Variants in MILR1 observed in about 807,000 individuals in gnomAD.
The protein encoded by MILR1 is allergin-1.
A neutral mutation model predicts 18.5 loss-of-function variants in MILR1; 31 were observed. The ratio of observed to expected loss-of-function variants is 1.68; its 90% CI spans 1.26 to 2.26. The LOEUF is 2.26. Ranked by LOEUF, MILR1 falls within the 30% of genes most tolerant of loss-of-function variation. MILR1 has a pLI of 0.00. For synonymous variants in MILR1, 85 were observed against 56.2 expected (o/e 1.51, Z -2.30); for missense variants, 257 against 157.4 (o/e 1.63, Z -3.38).
At chr17:64,491,711 G>A in the MILR1 span, 7 of 961,564 alleles carry the variant, frequency 7.3e-6, no homozygotes, top group Admixed American at 1.8e-5. Flanking sequence ...TTACCATGGT[G>A]CTGGCAGGGT....
At chr17:64,470,609 G>A (rs1555664409), downstream of MILR1, among the ~76,000 whole-genome samples, 2 of 152,118 alleles carry the variant, frequency 1.3e-5, no homozygotes, top group African/African-American at 4.8e-5. Context: ...CACATCCCAA[G>A]GCCTACCCCG....
downstream of MILR1, among the ~76,000 whole-genome samples, chr17:64,470,440 G>C (rs1437482736): frequency 1.3e-5 from 2 of 152,028 alleles, no homozygotes; most frequent in African/African-American, 4.8e-5. Context: ...ACCTAAAATT[G>C]GTTAAAATGG....
the MILR1 span, among the ~76,000 whole-genome samples, chr17:64,486,497 G>A: frequency 5.9e-5 from 9 of 152,096 alleles, no homozygotes; most frequent in South Asian, 8.3e-4. Context: ...GAGTAGCTAG[G>A]ACTACAGGCA....
At position 64,449,551 on chromosome 17, in the gene MILR1, G is replaced by T. The variant is rs2037118626; in HGVS notation, c.97+196G>T. Among the ~76,000 whole-genome samples, 10 of 152,254 alleles carry T rather than the reference G, an allele frequency of 6.6e-5. No individual in the cohort carries two copies. In the South Asian group the frequency reaches 2.1e-3, roughly 32 times the overall value. On this transcript the variant is annotated intron_variant, in intron 2 of 9. Coordinates refer to ENST00000619286, the MANE Select transcript of MILR1 (RefSeq NM_001085423.2). The stretch of plus-strand genomic sequence containing the variant: ...TTGCAGCATTTTTTTCTGAGACTCA[G>T]TGAGAAAAATAATGAAATTTGTTTT...
the MILR1 span, among the ~76,000 whole-genome samples, chr17:64,484,641 A>G: frequency 2.0e-5 from 3 of 152,234 alleles, no homozygotes; most frequent in Non-Finnish European, 4.4e-5. Flanking sequence ...TTTTGAAGTT[A>G]GAGTCAAACA....
chr17:64,465,081 G>A (rs953066387), intron 5 of MILR1, among the ~76,000 whole-genome samples: 1 of 152,152 alleles, frequency 6.6e-6, no homozygotes, highest in East Asian at 1.9e-4. Flanking sequence ...GCGACAGAGC[G>A]AGACTCCATC....
the MILR1 span, among the ~76,000 whole-genome samples, chr17:64,495,238 T>C: frequency 2.0e-5 from 3 of 148,580 alleles, no homozygotes; most frequent in African/African-American, 7.5e-5. Context: ...CTACTGAGGG[T>C]CATTGCTTCT....
At chr17:64,479,783 T>C in the MILR1 span, among the ~76,000 whole-genome samples, 1 of 152,170 alleles carries the variant, frequency 6.6e-6, no homozygotes, top group Non-Finnish European at 1.5e-5. Context: ...CATTTGATGA[T>C]AGACTGGATG....
downstream of MILR1, among the ~76,000 whole-genome samples, chr17:64,471,125 G>T (rs2037681729): frequency 6.6e-6 from 1 of 151,998 alleles, no homozygotes; most frequent in Non-Finnish European, 1.5e-5. Context: ...TCCTGGACCA[G>T]ACCTGAAAGC....
downstream of MILR1, among the ~76,000 whole-genome samples, chr17:64,473,489 C>T (rs142906367): frequency 3.8e-3 from 579 of 152,104 alleles, 2 homozygotes; most frequent in Non-Finnish European, 6.2e-3. Flanking sequence ...CTCAACTGTC[C>T]TGGAAGGAAA....
intron 2 of MILR1, among the ~76,000 whole-genome samples, chr17:64,452,082 GTTTT>G (rs34558703): frequency 7.3e-6 from 1 of 137,198 alleles, no homozygotes; most frequent in African/African-American, 2.6e-5. Flanking sequence ...TCCCAGCTAT[GTTTT>G]TTTTTTTTTT....
intron 2 of MILR1, 32 bp downstream of exon 2, chr17:64,449,387 C>G: frequency 4.5e-6 from 2 of 447,574 alleles, no homozygotes; most frequent in Non-Finnish European, 8.2e-6. Context: ...CTTATTGAAA[C>G]CATTTTCACT....
intron 9 of MILR1, 62 bp from the exon 10 acceptor site, chr17:64,468,248 T>C (rs1353621326): frequency 2.2e-6 from 1 of 455,922 alleles, no homozygotes; most frequent in African/African-American, 2.0e-5. Flanking sequence ...CCCTTCAACT[T>C]CTGCCTCTGT....
intron 2 of MILR1, among the ~76,000 whole-genome samples, chr17:64,449,887 C>T (rs1424034430): frequency 2.0e-5 from 3 of 152,090 alleles, no homozygotes; most frequent in Admixed American, 2.0e-4. Context: ...TACTAGCCAG[C>T]AGCCTGAGCT....
chr17:64,466,385 G>A lies in MILR1; in HGVS notation c.854-57G>A, dbSNP rs375395957. 1.0e-4 allele frequency: 153 copies of A among 1,488,476 alleles called. No homozygotes were observed. In the Admixed American group the frequency reaches 1.1e-3, roughly 10 times the overall value. The allele number at this position is 1,488,476 out of a possible 1,614,324, so 92.2% of individuals were successfully genotyped here. ...CAGACGCATTGCTGAGCAATTTACC[G>A]ACCTTTTCTAACACAAACGCCACCA... is the stretch of plus-strand genomic sequence containing the variant. On this transcript the variant is annotated intron_variant, in intron 6 of 9. Transcript: ENST00000619286.
chr17:64,464,523 A>G (rs2037505690), intron 5 of MILR1, among the ~76,000 whole-genome samples: 1 of 152,074 alleles, frequency 6.6e-6, no homozygotes, highest in Admixed American at 6.6e-5. Flanking sequence ...TACAGGCGTG[A>G]GCCACTGCAC....
the MILR1 span, among the ~76,000 whole-genome samples, chr17:64,494,749 TA>T: frequency 1.3e-5 from 2 of 152,282 alleles, no homozygotes; most frequent in South Asian, 4.1e-4. Context: ...GTGACCTTTT[TA>T]TATGACCCAT....
At chr17:64,466,549 T>G in intron 7 of MILR1, 45 bp from the exon 8 acceptor site, 1 of 1,611,948 alleles carries the variant, frequency 6.2e-7, no homozygotes, top group Non-Finnish European at 8.5e-7. Flanking sequence ...GCTTAGAAAT[T>G]CACATAATTG....
intron 6 of MILR1, among the ~76,000 whole-genome samples, chr17:64,466,000 G>A (rs782147470): frequency 1.3e-5 from 2 of 152,188 alleles, no homozygotes; most frequent in Non-Finnish European, 2.9e-5. Context: ...AGTTTATAAA[G>A]GAAAGAGGTT....
Sources: allele counts gnomAD v4.1 joint callset (sites outside exome capture counted in the v4.1 genomes callset), GRCh38; gene constraint gnomAD v4.1.1; transcripts MANE v1.5; gene names NCBI Gene and HGNC (gene_info 2026-07-23, HGNC 2026-07-21).